ACTR3C: variants seen among roughly 807,000 people sequenced by gnomAD.
ACTR3C encodes the protein actin-related protein 3C.
A neutral mutation model predicts 26.3 loss-of-function variants in ACTR3C; 18 were observed. The observed-to-expected ratio is 0.68, with a 90% CI of 0.47 to 1.01. The LOEUF (loss-of-function observed/expected upper bound fraction) is 1.01, where lower values mean the gene tolerates loss of function less well. Among genes scored for constraint, ACTR3C ranks in the 50% least tolerant of loss-of-function variants. ACTR3C has a pLI of 0.00. For synonymous variants in ACTR3C, 55 were observed against 94.5 expected (o/e 0.58, Z 2.42); for missense variants, 184 against 250.7 (o/e 0.73, Z 1.80).
At chr7:149,917,110 T>TC in the ACTR3C span, among the ~76,000 whole-genome samples, 1 of 150,796 alleles carries the variant, frequency 6.6e-6, no homozygotes, top group Non-Finnish European at 1.5e-5. Context: ...AGTTCCGCTC[T>TC]TGTTGCCCAG....
the ACTR3C span, among the ~76,000 whole-genome samples, chr7:149,922,970 CT>C: frequency 0.07 from 4,773 of 68,670 alleles, 93 homozygotes; most frequent in Middle Eastern, 0.22. Flanking sequence ...AAATAAAAGG[CT>C]TTTTTTTTTT....
At chr7:150,140,940 CA>C in the ACTR3C span, among the ~76,000 whole-genome samples, 1 of 152,208 alleles carries the variant, frequency 6.6e-6, no homozygotes, top group African/African-American at 2.4e-5. Flanking sequence ...GATAAGAAAG[CA>C]AAACAGCCTT....
the ACTR3C span, among the ~76,000 whole-genome samples, chr7:150,209,458 G>T: frequency 4.0e-5 from 6 of 150,988 alleles, no homozygotes; most frequent in South Asian, 1.0e-3. Context: ...TTTTCTTCTA[G>T]AATTTTCCTA....
At chr7:150,052,082 T>C in the ACTR3C span, among the ~76,000 whole-genome samples, 5 of 151,854 alleles carry the variant, frequency 3.3e-5, no homozygotes, top group African/African-American at 1.2e-4. Flanking sequence ...TGAAGGAAGG[T>C]CTTCCCTAAA....
the ACTR3C span, among the ~76,000 whole-genome samples, chr7:150,138,789 C>A: frequency 2.0e-5 from 3 of 152,298 alleles, no homozygotes; most frequent in African/African-American, 7.2e-5. Flanking sequence ...TCTGTACTTA[C>A]AGCCGCTCCC....
the ACTR3C span, among the ~76,000 whole-genome samples, chr7:149,949,393 GGGAAGGAAGGAAGGAAGGAA>G: frequency 7.5e-6 from 1 of 133,822 alleles, no homozygotes; most frequent in African/African-American, 3.4e-5. Flanking sequence ...GAAGGAAGGA[GGGAAGGAAGGAAGGAAGGAA>G]GGAAGGAAGG....
At chr7:150,308,455 A>G (rs1448330915) in intron 1 of ACTR3C, among the ~76,000 whole-genome samples, 1 of 152,144 alleles carries the variant, frequency 6.6e-6, no homozygotes, top group Non-Finnish European at 1.5e-5. Flanking sequence ...ATTTTGTCGA[A>G]AAATGGGCAA....
chr7:150,169,601 G>A, the ACTR3C span, among the ~76,000 whole-genome samples: 32 of 150,578 alleles, frequency 2.1e-4, no homozygotes, highest in East Asian at 5.8e-3. Flanking sequence ...GTGGTAGTTG[G>A]TTACAGCAAC....
chr7:150,081,479 G>C, the ACTR3C span, among the ~76,000 whole-genome samples: 25 of 151,430 alleles, frequency 1.7e-4, no homozygotes, highest in African/African-American at 6.1e-4. Flanking sequence ...CTCTTAATAA[G>C]CAGGGCCCTG....
At chr7:150,046,629 TTC>T in the ACTR3C span, among the ~76,000 whole-genome samples, 1 of 137,426 alleles carries the variant, frequency 7.3e-6, no homozygotes, top group African/African-American at 2.8e-5. Flanking sequence ...CCAGACCTGT[TTC>T]TCTGAGAGCC....
the ACTR3C span, among the ~76,000 whole-genome samples, chr7:150,223,180 C>T: frequency 2.0e-5 from 3 of 152,168 alleles, no homozygotes; most frequent in Admixed American, 6.5e-5. Context: ...TAAATGAAGT[C>T]ATGCATTATG....
the ACTR3C span, among the ~76,000 whole-genome samples, chr7:150,096,150 C>G: frequency 6.7e-6 from 1 of 149,350 alleles, no homozygotes; most frequent in Non-Finnish European, 1.5e-5. Flanking sequence ...TTTCTGCATT[C>G]TAGCCCACAC....
intron 6 of ACTR3C, among the ~76,000 whole-genome samples, chr7:150,260,868 G>A (rs879112091): frequency 7.2e-5 from 11 of 152,070 alleles, no homozygotes; most frequent in Non-Finnish European, 1.2e-4. Flanking sequence ...TTAAAGCTTG[G>A]TCTTTTATGA....
At chr7:149,946,038 A>C in the ACTR3C span, among the ~76,000 whole-genome samples, 16,901 of 152,092 alleles carry the variant, frequency 0.11, 3,145 homozygotes, top group African/African-American at 0.38. Flanking sequence ...CGAGTGAATC[A>C]TGGGGGGGAA....
the ACTR3C span, among the ~76,000 whole-genome samples, chr7:150,197,876 C>A: frequency 2.0e-5 from 3 of 148,096 alleles, no homozygotes; most frequent in Non-Finnish European, 4.5e-5. Context: ...CCCCTCTCCC[C>A]TCTCCCCACG....
At chr7:150,161,413 G>A in the ACTR3C span, among the ~76,000 whole-genome samples, 57 of 151,300 alleles carry the variant, frequency 3.8e-4, no homozygotes, top group African/African-American at 1.3e-3. Context: ...CCCTTCCTGT[G>A]TCCAAGTGTT....
At chr7:150,088,823 T>C in the ACTR3C span, among the ~76,000 whole-genome samples, 2 of 152,198 alleles carry the variant, frequency 1.3e-5, no homozygotes, top group African/African-American at 4.8e-5. Flanking sequence ...TCCTCGTCTG[T>C]GAAATGAAGA....
the ACTR3C span, among the ~76,000 whole-genome samples, chr7:150,108,550 A>G: frequency 4.0e-5 from 6 of 150,138 alleles, no homozygotes; most frequent in East Asian, 7.8e-4. Flanking sequence ...TTAATCCCCA[A>G]TGCAACAGTG....
At chr7:150,297,060 G>T (rs1330081256) in intron 1 of ACTR3C, among the ~76,000 whole-genome samples, 2 of 152,062 alleles carry the variant, frequency 1.3e-5, no homozygotes, top group Non-Finnish European at 1.5e-5. Flanking sequence ...AATTACAGCA[G>T]CCGAGTAGAC....
Sources: gnomAD v4.1 joint callset for allele counts (sites outside exome capture counted in the v4.1 genomes callset) on GRCh38, gnomAD v4.1.1 for gene constraint, MANE v1.5 for transcripts, NCBI Gene and HGNC (gene_info 2026-07-23, HGNC 2026-07-21) for gene names.